Variants in VSNL1 observed in about 807,000 individuals in gnomAD.
VSNL1 encodes the protein visinin-like protein 1.
Under a neutral mutation model 20.4 loss-of-function variants are expected in VSNL1, and 6 were observed. The ratio of observed to expected loss-of-function variants is 0.29; its 90% CI spans 0.16 to 0.58. The LOEUF (loss-of-function observed/expected upper bound fraction) is 0.58, where lower values mean the gene tolerates loss of function less well. Ranked by LOEUF, VSNL1 falls within the 20% of genes least tolerant of loss-of-function variation. The probability of loss-of-function intolerance (pLI) is 0.90; values close to 1 mark genes in which losing one functional copy is unlikely to be tolerated. For missense variants in VSNL1, 100 were observed against 234.5 expected, an observed-to-expected ratio of 0.43 and a Z score of 3.75; for synonymous variants, 93 against 86.4, an observed-to-expected ratio of 1.08 and a Z score of -0.42.
At chr2:17,575,061 T>C (rs529401213) in intron 1 of VSNL1, among the ~76,000 whole-genome samples, 6 of 152,150 alleles carry the variant, frequency 3.9e-5, no homozygotes, top group Non-Finnish European at 8.8e-5. Context: ...GCTTCTGGAC[T>C]CAAGCAATCC....
At chr2:17,563,543 C>T (rs1460743456) in intron 1 of VSNL1, among the ~76,000 whole-genome samples, 4 of 151,976 alleles carry the variant, frequency 2.6e-5, no homozygotes, top group African/African-American at 9.7e-5. Context: ...TGTCTGCTAT[C>T]TGAATGTGTA....
At position 17,617,923 on chromosome 2, in the gene VSNL1, T is replaced by G. The variant is rs968983303; in HGVS notation, c.162+25687T>G. Among the ~76,000 whole-genome samples, 13 of 143,506 alleles carry G rather than the reference T, an allele frequency of 9.1e-5. No homozygotes were observed. The South Asian group carries it at 3.1e-3, about 34-fold the overall frequency. The allele number at this position is 143,506 out of a possible 152,430, so 94.1% of individuals were successfully genotyped here. ...CACACACACACACCCCACCTTACACTTTTTCCTCTACCTTTCTCCAGGGAA... is the reference window on the plus strand; with the variant it reads ...CACACACACACACCCCACCTTACACGTTTTCCTCTACCTTTCTCCAGGGAA... On this transcript the variant is annotated intron_variant, in intron 2 of 3. Transcript: ENST00000295156.
At position 17,639,259 on chromosome 2, in the gene VSNL1, C is replaced by T. The variant is rs774708291; in HGVS notation, c.163-10151C>T. Among the ~76,000 whole-genome samples the T allele has an allele frequency of 2.4e-4, 36 of 152,246 alleles. 1 individual carries two copies. Among genetic ancestry groups the T allele is most frequent in the South Asian group, 1.0e-3 (5 of 4,818 alleles). On this transcript the variant is annotated intron_variant, in intron 2 of 3. Transcript: ENST00000295156. ...TGACCAAGGTTCTGTTTGGGTTTGA[C>T]GGTAATAAAAGGAAGATACAGGTAT... is the stretch of plus-strand genomic sequence containing the variant.
chr2:17,579,276 C>T (rs1572344268), intron 1 of VSNL1, among the ~76,000 whole-genome samples: 3 of 152,064 alleles, frequency 2.0e-5, no homozygotes, highest in South Asian at 2.1e-4. Flanking sequence ...CCACCACGCC[C>T]GGCTAATTTT....
At chr2:17,601,014 G>A (rs1410639028) in intron 2 of VSNL1, among the ~76,000 whole-genome samples, 1 of 152,166 alleles carries the variant, frequency 6.6e-6, no homozygotes, top group Non-Finnish European at 1.5e-5. Context: ...CTGTCTCCAA[G>A]GGTGTGAAGT....
At chr2:17,627,455 T>C (rs1665538440) in intron 2 of VSNL1, among the ~76,000 whole-genome samples, 3 of 152,222 alleles carry the variant, frequency 2.0e-5, no homozygotes, top group Admixed American at 2.0e-4. Flanking sequence ...GAGGTGTCTA[T>C]GCAGGAGATG....
intron 1 of VSNL1, among the ~76,000 whole-genome samples, chr2:17,569,085 A>G (rs1386921971): frequency 6.6e-6 from 1 of 152,154 alleles, no homozygotes. Context: ...AAATGGGCAG[A>G]TCACTGAGGT....
At chr2:17,635,317 C>T (rs1572213663) in intron 2 of VSNL1, among the ~76,000 whole-genome samples, 1 of 152,102 alleles carries the variant, frequency 6.6e-6, no homozygotes. Flanking sequence ...AAGCTGTGGG[C>T]GGTGGGGAAT....
chr2:17,557,779 A>G (rs1469942277), intron 1 of VSNL1, among the ~76,000 whole-genome samples: 1 of 152,208 alleles, frequency 6.6e-6, no homozygotes, highest in Non-Finnish European at 1.5e-5. Context: ...TGATGTTGGT[A>G]AATCTCCAAG....
intron 1 of VSNL1, among the ~76,000 whole-genome samples, chr2:17,553,795 T>G (rs918226642): frequency 2.0e-5 from 3 of 152,250 alleles, no homozygotes; most frequent in African/African-American, 7.2e-5. Flanking sequence ...TTGTGAGGAC[T>G]AGAAATAATA....
intron 2 of VSNL1, among the ~76,000 whole-genome samples, chr2:17,600,115 T>C (rs912537435): frequency 1.3e-5 from 2 of 152,348 alleles, no homozygotes; most frequent in East Asian, 3.9e-4. Context: ...TGAATACAGG[T>C]AAATGCAGTG....
At chr2:17,607,655 T>A (rs940233424) in intron 2 of VSNL1, among the ~76,000 whole-genome samples, 10 of 152,216 alleles carry the variant, frequency 6.6e-5, no homozygotes, top group African/African-American at 1.9e-4. Context: ...TTGTGGCTAT[T>A]TTTTTGTCCA....
At chr2:17,577,665 C>G (rs1572343107) in intron 1 of VSNL1, among the ~76,000 whole-genome samples, 1 of 152,298 alleles carries the variant, frequency 6.6e-6, no homozygotes, top group African/African-American at 2.4e-5. Context: ...CCTCTCCCAT[C>G]TGCCCTGGGG....
chr2:17,586,242 C>G (rs1664470427), intron 1 of VSNL1, among the ~76,000 whole-genome samples: 1 of 152,192 alleles, frequency 6.6e-6, no homozygotes, highest in Admixed American at 6.5e-5. Flanking sequence ...CTTCTTAGAT[C>G]ATGTACTTCG....
chr2:17,603,893 T>A (rs1664886986), intron 2 of VSNL1, among the ~76,000 whole-genome samples: 2 of 152,172 alleles, frequency 1.3e-5, no homozygotes. Context: ...CATTGTGCCT[T>A]CAGGAGAATG....
chr2:17,649,723 C>A lies in VSNL1; in HGVS notation c.378+98C>A. 5.3e-6 allele frequency: 6 copies of A among 1,135,800 alleles called. No individual in the cohort carries two copies. Among genetic ancestry groups the A allele is most frequent in the Admixed American group, 2.0e-5 (1 of 49,150 alleles). The allele number at this position is 1,135,800 out of a possible 1,614,324, so 70.4% of individuals were successfully genotyped here. On this transcript the variant is annotated intron_variant, in intron 3 of 3. Transcript: ENST00000295156. This position sits in a 1 kb window ranked among gnomAD's most constrained non-coding sequence, Gnocchi z 6.4. ...CTTAGTGGCTTCTTCTCTCTCTGCT[C>A]GAGCCCTGCCAGCTGCACACCACGC...
Position 17,601,627 on chromosome 2 carries a change from C to T in VSNL1, c.162+9391C>T, listed in dbSNP as rs145800571. Among the ~76,000 whole-genome samples the T allele has an allele frequency of 6.7e-3, 996 of 147,714 alleles. 7 individuals are homozygous for T. The highest frequency in any genetic ancestry group is 0.024 in the African/African-American group (939 of 39,870). On this transcript the variant is annotated intron_variant, in intron 2 of 3. Coordinates refer to ENST00000295156, the MANE Select transcript of VSNL1 (RefSeq NM_003385.5). ...CTCCAGCCTGTACGACAGAGTGAGACTCCATCTCAAAAAAATAAATAAATA... is the reference window on the plus strand; with the variant it reads ...CTCCAGCCTGTACGACAGAGTGAGATTCCATCTCAAAAAAATAAATAAATA...
chr2:17,640,477 T>C (rs892037902), intron 2 of VSNL1, among the ~76,000 whole-genome samples: 4 of 152,186 alleles, frequency 2.6e-5, no homozygotes, highest in African/African-American at 9.7e-5. Flanking sequence ...CCAGATCTTA[T>C]CCTATAACTG....
At chr2:17,609,805 C>G (rs1451278898) in intron 2 of VSNL1, among the ~76,000 whole-genome samples, 1 of 152,210 alleles carries the variant, frequency 6.6e-6, no homozygotes, top group Admixed American at 6.5e-5. Context: ...ACTTCATATG[C>G]TGTAGGTGAT....
Sources: allele counts gnomAD v4.1 joint callset (sites outside exome capture counted in the v4.1 genomes callset), GRCh38; gene constraint gnomAD v4.1.1; non-coding constraint Gnocchi (gnomAD v3.1); transcripts MANE v1.5; gene names NCBI Gene and HGNC (gene_info 2026-07-23, HGNC 2026-07-21).